OSBPL5: variants seen among roughly 807,000 people sequenced by gnomAD.
The protein encoded by OSBPL5 is oxysterol-binding protein-related protein 5.
In OSBPL5, 71 loss-of-function variants were observed where a neutral mutation model predicts 111.2. The ratio of observed to expected loss-of-function variants is 0.64; its 90% CI spans 0.53 to 0.78. The LOEUF is 0.78. Among genes scored for constraint, OSBPL5 ranks in the 30% least tolerant of loss-of-function variants. The pLI, the probability that OSBPL5 is intolerant of heterozygous loss-of-function variation, is 0.00. For missense variants in OSBPL5, 1,210 were observed against 1,189.3 expected, an observed-to-expected ratio of 1.02 and a Z score of -0.26; for synonymous variants, 549 against 513.9, an observed-to-expected ratio of 1.07 and a Z score of -0.93.
chr11:3,111,058 C>T (rs929551528), intron 7 of OSBPL5, among the ~76,000 whole-genome samples: 2 of 152,108 alleles, frequency 1.3e-5, no homozygotes, highest in African/African-American at 4.8e-5. Flanking sequence ...CACAAGTCTC[C>T]TATTGGTGCT....
At chr11:3,112,017 G>T (rs1182503063) in intron 7 of OSBPL5, among the ~76,000 whole-genome samples, 1 of 69,916 alleles carries the variant, frequency 1.4e-5, no homozygotes, top group African/African-American at 3.8e-5. Context: ...GTGCGCGCAT[G>T]TGTGTGCATG....
chr11:3,103,861 C>CAGCCCCTTCCTGCCTCTGT (rs1857593081), intron 10 of OSBPL5, among the ~76,000 whole-genome samples: 1 of 40,690 alleles, frequency 2.5e-5, no homozygotes, highest in Admixed American at 2.4e-4. Flanking sequence ...CCAGTCTGCG[C>CAGCCCCTTCCTGCCTCTGT]AGCCCCCTTC....
intron 7 of OSBPL5, among the ~76,000 whole-genome samples, chr11:3,116,386 G>A (rs964401494): frequency 3.9e-5 from 6 of 152,270 alleles, no homozygotes; most frequent in Middle Eastern, 3.4e-3. Flanking sequence ...TCTTTAGAAG[G>A]TGGTTTTATA....
chr11:3,121,034 G>T lies in OSBPL5; in HGVS notation c.403-410C>A, dbSNP rs1255040640. Among the ~76,000 whole-genome samples, 1 of 151,438 alleles carries T rather than the reference G, an allele frequency of 6.6e-6. No individual in the cohort carries two copies. Among genetic ancestry groups the T allele is most frequent in the Admixed American group, 6.6e-5 (1 of 15,196 alleles). ...GGGAGGAACCAGCAATGAGTGGTGTGACTTGTAACTGGCAGCTTTGTAGAT... is the reference window on the plus strand; with the variant it reads ...GGGAGGAACCAGCAATGAGTGGTGTTACTTGTAACTGGCAGCTTTGTAGAT... On this transcript the variant is annotated intron_variant, in intron 5 of 21. Transcript: ENST00000263650. This position sits in a 1 kb window ranked among gnomAD's most constrained non-coding sequence, Gnocchi z 4.3.
At position 3,093,786 on chromosome 11, in the gene OSBPL5, G is replaced by A. The variant is rs576108739; in HGVS notation, c.1769C>T (p.Thr590Met). 5.5e-5 allele frequency: 88 copies of A among 1,613,006 alleles called. No individual in the cohort carries two copies. The highest frequency in any genetic ancestry group is 1.6e-4 in the Middle Eastern group (1 of 6,084). The change falls in exon 16 of 22, where the codon ACG becomes ATG. Residue 590 changes from threonine to methionine, a missense_variant. Coordinates refer to ENST00000263650, the MANE Select transcript of OSBPL5 (RefSeq NM_020896.4). ...TSINQISGKI[T>M]SGEEVLASLS... ...GCTCGCCAGGACTTCCTCTCCCGAC[G>A]TGATCTTTCCCGAGATCTGGTTGAT... is the stretch of plus-strand genomic sequence containing the variant.
Position 3,093,764 on chromosome 11 carries a change from C to T in OSBPL5, c.1791G>A (p.Ala597=), listed in dbSNP as rs765602239. ...GKITSGEEVL[A]SLSGHWDRDV... is the part of the protein sequence containing the mutation. ...CCCTTACCCAGTGGCCACTGAGGCT[C>T]GCCAGGACTTCCTCTCCCGACGTGA... The change falls in exon 16 of 22, where the codon GCG becomes GCA. Residue 597 remains alanine (A), a synonymous_variant. Transcript: ENST00000263650. The T allele has an allele frequency of 1.4e-5, 23 of 1,612,994 alleles. No individual in the cohort carries two copies. The highest frequency in any genetic ancestry group is 8.3e-5 in the Admixed American group (5 of 60,000).
At chr11:3,112,115 G>A (rs1175454480) in intron 7 of OSBPL5, among the ~76,000 whole-genome samples, 6 of 149,512 alleles carry the variant, frequency 4.0e-5, no homozygotes, top group East Asian at 3.9e-4. Flanking sequence ...GTGTGTGCAT[G>A]TGTGTGTGTG....
At position 3,092,818 on chromosome 11, in the gene OSBPL5, G is replaced by A; in HGVS notation, c.2132+49C>T. Reference sequence around the variant, plus strand: ...CCCCTGGGCCCTTCTCAGCCCGTCTGCTAGGCCCAGCCCCACCCTGTGGCC... The same window carrying A: ...CCCCTGGGCCCTTCTCAGCCCGTCTACTAGGCCCAGCCCCACCCTGTGGCC... On this transcript the variant is annotated intron_variant, in intron 18 of 21. Transcript: ENST00000263650. The surrounding 1 kb of genome is among the most constrained non-coding windows in gnomAD (Gnocchi z 5.4). 6.8e-7 allele frequency: 1 copy of A among 1,479,436 alleles called. No homozygotes were observed. The highest frequency in any genetic ancestry group is 2.3e-5 in the Admixed American group (1 of 43,736). 91.6% of individuals were successfully genotyped at this position (1,479,436 alleles called of 1,614,324 possible). A position where few individuals can be genotyped will look rare whatever the true frequency, so the allele number is the denominator to read the frequency against.
At chr11:3,111,680 C>T (rs1262966688) in intron 7 of OSBPL5, among the ~76,000 whole-genome samples, 1 of 152,046 alleles carries the variant, frequency 6.6e-6, no homozygotes, top group Non-Finnish European at 1.5e-5. Flanking sequence ...CCCCTCCCCA[C>T]CCCCACACAC....
rs1037302587 is a variant in OSBPL5, at chr11:3,121,532, C to G, written c.402+465G>C. On this transcript the variant is annotated intron_variant, in intron 5 of 21. Coordinates refer to ENST00000263650, the MANE Select transcript of OSBPL5 (RefSeq NM_020896.4). This position sits in a 1 kb window ranked among gnomAD's most constrained non-coding sequence, Gnocchi z 4.3. ...TTATCTGGTATGCGTTGCCCAGCAG[C>G]CTCGGAGTTGGGCAGTTTTACCTCC... Among the ~76,000 whole-genome samples, 2 of 152,068 alleles carry G rather than the reference C, an allele frequency of 1.3e-5. No individual in the cohort carries two copies. Among genetic ancestry groups the G allele is most frequent in the Non-Finnish European group, 2.9e-5 (2 of 68,016 alleles).
At chr11:3,122,245 G>C in intron 4 of OSBPL5, 103 bp downstream of exon 4, 1 of 1,386,162 alleles carries the variant, frequency 7.2e-7, no homozygotes, top group Non-Finnish European at 9.9e-7. Flanking sequence ...ACCAGGTGCG[G>C]TTTGTCCCCT....
intron 1 of OSBPL5, among the ~76,000 whole-genome samples, chr11:3,152,183 T>A (rs776785385): frequency 6.6e-6 from 1 of 152,202 alleles, no homozygotes; most frequent in Non-Finnish European, 1.5e-5. Flanking sequence ...GCAAACAATG[T>A]GAGTCCATGT....
chr11:3,097,359 T>A (rs367876082), intron 14 of OSBPL5, among the ~76,000 whole-genome samples: 22 of 151,042 alleles, frequency 1.5e-4, no homozygotes, highest in African/African-American at 5.4e-4. Flanking sequence ...AGAGGGAGAG[T>A]CAAGGAAACA....
rs1314614790 is a variant in OSBPL5, at chr11:3,113,619, A to C, written c.692-5674T>G. Among the ~76,000 whole-genome samples the C allele has an allele frequency of 1.3e-5, 2 of 151,814 alleles. No individual in the cohort carries two copies. Among genetic ancestry groups the C allele is most frequent in the South Asian group, 2.1e-4 (1 of 4,820 alleles). On this transcript the variant is annotated intron_variant, in intron 7 of 21. Transcript: ENST00000263650. This position sits in a 1 kb window ranked among gnomAD's most constrained non-coding sequence, Gnocchi z 4.8. ...CAGTGAGCCAAGATCGCACCACTGC[A>C]CTCCAGCCTGGGAGACTAGAGCAAG...
chr11:3,112,075 A>ATGTGTATGTGTGTATGTGTGTGTGCATG (rs1858000776), intron 7 of OSBPL5, among the ~76,000 whole-genome samples: 1 of 137,002 alleles, frequency 7.3e-6, no homozygotes, highest in African/African-American at 3.2e-5. Context: ...GTGTGTGTGC[A>ATGTGTATGTGTGTATGTGTGTGTGCATG]TGTGTGTGTG....
At chr11:3,129,974 T>C (rs75207045) in intron 1 of OSBPL5, among the ~76,000 whole-genome samples, 1 of 151,978 alleles carries the variant, frequency 6.6e-6, no homozygotes, top group South Asian at 2.1e-4. Context: ...CAGAAGCGAG[T>C]TTCTTGTTTC....
intron 7 of OSBPL5, among the ~76,000 whole-genome samples, chr11:3,112,063 ATG>A (rs1327690572): frequency 7.2e-5 from 2 of 27,696 alleles, no homozygotes; most frequent in African/African-American, 1.1e-4. Context: ...GTGCATGTGT[ATG>A]TGTGTGTGCA....
chr11:3,154,759 G>C lies in OSBPL5; in HGVS notation c.-22+10457C>G, dbSNP rs936188362. ...TGATGTCTCAGCCCCTAGGACCTGA[G>C]AAAGCGGCTGTACTTGGAGATGGGG... is the stretch of plus-strand genomic sequence containing the variant. On this transcript the variant is annotated intron_variant, in intron 1 of 21. Coordinates refer to ENST00000263650, the MANE Select transcript of OSBPL5 (RefSeq NM_020896.4). This position sits in a 1 kb window ranked among gnomAD's most constrained non-coding sequence, Gnocchi z 4.9. Among the ~76,000 whole-genome samples, 1 of 152,152 alleles carries C rather than the reference G, an allele frequency of 6.6e-6. No homozygotes were observed. The highest frequency in any genetic ancestry group is 2.4e-5 in the African/African-American group (1 of 41,420).
At position 3,100,196 on chromosome 11, in the gene OSBPL5, T is replaced by G; in HGVS notation, c.1583A>C (p.Glu528Ala). ...KATLTFLNRA[E>A]DYTLTMPYAH... Reference sequence around the variant, plus strand: ...GTAGGGCATGGTAAGGGTGTAATCCTCGGCTCGGTTCAGGAAGGTGAGCGT... The same window carrying G: ...GTAGGGCATGGTAAGGGTGTAATCCGCGGCTCGGTTCAGGAAGGTGAGCGT... The change falls in exon 14 of 22, where the codon GAG becomes GCG. Residue 528 changes from glutamate to alanine, a missense_variant. Coordinates refer to ENST00000263650, the MANE Select transcript of OSBPL5 (RefSeq NM_020896.4). The G allele has an allele frequency of 6.2e-7, 1 of 1,614,128 alleles. No individual in the cohort carries two copies. The highest frequency in any genetic ancestry group is 8.5e-7 in the Non-Finnish European group (1 of 1,180,030).
Sources: gnomAD v4.1 joint callset for allele counts (sites outside exome capture counted in the v4.1 genomes callset) on GRCh38, gnomAD v4.1.1 for gene constraint, Gnocchi (gnomAD v3.1) non-coding constraint, MANE v1.5 for transcripts, NCBI Gene and HGNC (gene_info 2026-07-23, HGNC 2026-07-21) for gene names.